Variants in TMTC2 observed in about 807,000 individuals in gnomAD.
The protein encoded by TMTC2 is transmembrane O-mannosyltransferase targeting cadherins 2.
Under a neutral mutation model 82.4 loss-of-function variants are expected in TMTC2, and 43 were observed. The ratio of observed to expected loss-of-function variants is 0.52; its 90% CI spans 0.41 to 0.67. The LOEUF (loss-of-function observed/expected upper bound fraction) is 0.67. Among genes scored for constraint, TMTC2 ranks in the 30% least tolerant of loss-of-function variants. The probability of loss-of-function intolerance (pLI) is 0.00; values close to 1 mark genes in which losing one functional copy is unlikely to be tolerated. For synonymous variants in TMTC2, 408 were observed against 381.9 expected, an observed-to-expected ratio of 1.07 and a Z score of -0.80; for missense variants, 919 against 1,012.4, an observed-to-expected ratio of 0.91 and a Z score of 1.25.
intron 1 of TMTC2, among the ~76,000 whole-genome samples, chr12:82,805,541 T>C (rs1042413574): frequency 1.5e-5 from 2 of 133,234 alleles, no homozygotes; most frequent in African/African-American, 5.6e-5. Flanking sequence ...AGAGTCTTGC[T>C]CTGTCACCCA....
intron 9 of TMTC2, among the ~76,000 whole-genome samples, chr12:83,045,966 C>T (rs893061933): frequency 1.3e-5 from 2 of 152,088 alleles, no homozygotes; most frequent in African/African-American, 4.8e-5. Context: ...GCCTATAAAA[C>T]CCCAAGTCAA....
chr12:82,869,860 AT>A (rs1294682359), intron 2 of TMTC2, among the ~76,000 whole-genome samples: 1 of 151,734 alleles, frequency 6.6e-6, no homozygotes, highest in East Asian at 1.9e-4. Flanking sequence ...TAAATAAAAA[AT>A]AAAAATAAAA....
At chr12:83,075,919 G>A (rs73134075) in intron 11 of TMTC2, among the ~76,000 whole-genome samples, 6,353 of 152,220 alleles carry the variant, frequency 0.042, 184 homozygotes, top group Non-Finnish European at 0.065. Flanking sequence ...GCTTTGTGTT[G>A]TACTTCTGTT....
chr12:82,825,963 G>C (rs1565767504), intron 1 of TMTC2, among the ~76,000 whole-genome samples: 1 of 152,090 alleles, frequency 6.6e-6, no homozygotes. Flanking sequence ...ATTGCGAATG[G>C]AAAGTTTTAC....
intron 1 of TMTC2, among the ~76,000 whole-genome samples, chr12:82,789,730 C>T (rs115553533): frequency 0.016 from 2,445 of 152,264 alleles, 61 homozygotes; most frequent in African/African-American, 0.055. Context: ...CATCTTCCCT[C>T]TTTGAATGTA....
chr12:83,017,813 G>GAAAAA (rs5799609), intron 8 of TMTC2, among the ~76,000 whole-genome samples: 1 of 142,510 alleles, frequency 7.0e-6, no homozygotes, highest in African/African-American at 2.6e-5. Flanking sequence ...ATTTATAACT[G>GAAAAA]AAAAAAAAAA....
chr12:82,990,183 A>T (rs1879341429), intron 8 of TMTC2, among the ~76,000 whole-genome samples: 1 of 152,226 alleles, frequency 6.6e-6, no homozygotes, highest in South Asian at 2.1e-4. Flanking sequence ...TTCACTCTTT[A>T]ATCAAAACTG....
intron 4 of TMTC2, among the ~76,000 whole-genome samples, chr12:82,943,466 G>T (rs997096647): frequency 6.6e-6 from 1 of 152,134 alleles, no homozygotes; most frequent in East Asian, 1.9e-4. Context: ...GTACTCAGTT[G>T]TTGCACTAAT....
chr12:82,964,360 T>A (rs1303720761), intron 4 of TMTC2, among the ~76,000 whole-genome samples: 2 of 152,072 alleles, frequency 1.3e-5, no homozygotes, highest in African/African-American at 4.8e-5. Context: ...TAAGAAAGCC[T>A]ATGGAATCTT....
chr12:82,974,219 T>C (rs138282218), intron 7 of TMTC2, among the ~76,000 whole-genome samples: 28 of 152,184 alleles, frequency 1.8e-4, no homozygotes, highest in African/African-American at 6.0e-4. Context: ...CCCACGCCCG[T>C]GGACACACAC....
intron 11 of TMTC2, among the ~76,000 whole-genome samples, chr12:83,124,251 T>A: frequency 6.6e-6 from 1 of 152,222 alleles, no homozygotes; most frequent in Non-Finnish European, 1.5e-5. Flanking sequence ...AAGTGGTCAA[T>A]AAATATGTGT....
intron 1 of TMTC2, among the ~76,000 whole-genome samples, chr12:82,765,682 CAAAA>C (rs1253314893): frequency 2.1e-5 from 3 of 142,292 alleles, no homozygotes; most frequent in Non-Finnish European, 4.7e-5. Flanking sequence ...CTCGAAAAAA[CAAAA>C]CAAAACAAAA....
At chr12:83,118,270 C>T (rs189991358) in intron 11 of TMTC2, among the ~76,000 whole-genome samples, 5 of 152,226 alleles carry the variant, frequency 3.3e-5, no homozygotes, top group African/African-American at 1.2e-4. Flanking sequence ...GGAATGCTTT[C>T]AACTTTTCCC....
chr12:83,088,515 A>G (rs1011767557), intron 11 of TMTC2, among the ~76,000 whole-genome samples: 16 of 152,162 alleles, frequency 1.1e-4, no homozygotes, highest in African/African-American at 3.9e-4. Context: ...TCTTCTTTTT[A>G]CTTGAACACT....
At chr12:82,991,088 C>T (rs980787148) in intron 8 of TMTC2, among the ~76,000 whole-genome samples, 4 of 152,050 alleles carry the variant, frequency 2.6e-5, no homozygotes, top group Non-Finnish European at 5.9e-5. Flanking sequence ...AGTATTATCC[C>T]CTTTTTATAA....
intron 11 of TMTC2, among the ~76,000 whole-genome samples, chr12:83,108,587 G>C: frequency 6.6e-6 from 1 of 151,144 alleles, no homozygotes; most frequent in African/African-American, 2.4e-5. Flanking sequence ...CCAAGATCGC[G>C]CGACTGCACT....
chr12:82,770,696 AG>A (rs1877245644), intron 1 of TMTC2, among the ~76,000 whole-genome samples: 1 of 152,136 alleles, frequency 6.6e-6, no homozygotes, highest in Non-Finnish European at 1.5e-5. Context: ...TGTGTTGCCC[AG>A]GCCAGACAGG....
intron 1 of TMTC2, among the ~76,000 whole-genome samples, chr12:82,755,450 A>G (rs1241196808): frequency 6.6e-6 from 1 of 152,238 alleles, no homozygotes; most frequent in Non-Finnish European, 1.5e-5. Flanking sequence ...ACTGATGATT[A>G]ATTAATCAAA....
intron 1 of TMTC2, among the ~76,000 whole-genome samples, chr12:82,828,156 G>A (rs1209527975): frequency 2.0e-5 from 3 of 149,154 alleles, no homozygotes; most frequent in Non-Finnish European, 4.4e-5. Flanking sequence ...GCCTCCCAAT[G>A]TACTGGGATT....
Sources: gnomAD v4.1 joint callset for allele counts (sites outside exome capture counted in the v4.1 genomes callset) on GRCh38, gnomAD v4.1.1 for gene constraint, MANE v1.5 for transcripts, NCBI Gene and HGNC (gene_info 2026-07-23, HGNC 2026-07-21) for gene names.